The following RAC1 variants were observed in gnomAD, a reference collection of about 807,000 sequenced individuals.
RAC1 encodes ras-related C3 botulinum toxin substrate 1.
RAC1 carries 2 observed loss-of-function variants against 25.2 expected under a neutral mutation model. The observed-to-expected ratio is 0.08, with a 90% CI of 0.03 to 0.25. The LOEUF (loss-of-function observed/expected upper bound fraction) is 0.25. RAC1 is among the 10% of genes least tolerant of loss of function. The probability of loss-of-function intolerance (pLI) is 1.00; values close to 1 mark genes in which losing one functional copy is unlikely to be tolerated. For synonymous variants in RAC1, 88 were observed against 94.0 expected, an observed-to-expected ratio of 0.94 and a Z score of 0.37; for missense variants, 50 against 235.7, an observed-to-expected ratio of 0.21 and a Z score of 5.16.
chr7:6,385,575 C>A (rs994696730), intron 1 of RAC1, among the ~76,000 whole-genome samples: 1 of 152,114 alleles, frequency 6.6e-6, no homozygotes, highest in South Asian at 2.1e-4. Flanking sequence ...TTTAGAAAGC[C>A]TTTAGGAGTT....
intron 3 of RAC1, among the ~76,000 whole-genome samples, chr7:6,397,617 A>C (rs951715888): frequency 6.6e-6 from 1 of 152,224 alleles, no homozygotes; most frequent in African/African-American, 2.4e-5. Context: ...ATGTTGGAAG[A>C]GCGAGTTTGT....
chr7:6,403,759 C>T lies in RAC1; in HGVS notation c.*1313C>T, dbSNP rs1783486888. ...TTTGCCTATTGATGTTCCTTTGGGTCTGTGAGGTTCTGTAAACTGTGCTAG... is the reference window on the plus strand; with the variant it reads ...TTTGCCTATTGATGTTCCTTTGGGTTTGTGAGGTTCTGTAAACTGTGCTAG... On this transcript the variant is annotated 3_prime_UTR_variant, in exon 6 of 6. Transcript: ENST00000348035. 1 of 209,972 alleles carries T rather than the reference C, an allele frequency of 4.8e-6. No individual in the cohort carries two copies. Among genetic ancestry groups the T allele is most frequent in the Non-Finnish European group, 9.7e-6 (1 of 103,298 alleles). 13.0% of individuals were successfully genotyped at this position (209,972 alleles called of 1,614,324 possible).
At position 6,384,378 on chromosome 7, in the gene RAC1, C is replaced by T. The variant is rs151095610; in HGVS notation, c.36-2834C>T. On this transcript the variant is annotated intron_variant, in intron 1 of 5. Coordinates refer to ENST00000348035, the MANE Select transcript of RAC1 (RefSeq NM_006908.5). ...GCAGTTGGAGGCTTCTTCTAAAATC[C>T]AGTGCTTTCTGGGCAATTTAAAACC... Among the ~76,000 whole-genome samples, 329 of 152,310 alleles carry T rather than the reference C, an allele frequency of 2.2e-3. 1 individual carries two copies. The highest frequency in any genetic ancestry group is 7.4e-3 in the African/African-American group (306 of 41,576).
At chr7:6,399,540 G>A (rs1783340041) in intron 3 of RAC1, among the ~76,000 whole-genome samples, 1 of 152,218 alleles carries the variant, frequency 6.6e-6, no homozygotes, top group South Asian at 2.1e-4. Context: ...AGCTGCCCCG[G>A]GAGCGAGTTC....
At chr7:6,399,834 G>T in intron 3 of RAC1, 1 of 397,664 alleles carries the variant, frequency 2.5e-6, no homozygotes, top group Non-Finnish European at 4.5e-6. Context: ...ATAGTTAGGC[G>T]TAAAGGAAGC....
chr7:6,379,610 A>G (rs1388051606), intron 1 of RAC1, among the ~76,000 whole-genome samples: 2 of 152,162 alleles, frequency 1.3e-5, no homozygotes, highest in Non-Finnish European at 2.9e-5. Flanking sequence ...GGGTTTCACC[A>G]TGTTGACCAG....
intron 4 of RAC1, 33 bp from the exon 5 acceptor site, chr7:6,401,835 G>A (rs751650540): frequency 1.3e-5 from 20 of 1,593,598 alleles, no homozygotes; most frequent in East Asian, 4.5e-5. Flanking sequence ...GTAAAGGAGC[G>A]TGTCACAACC....
intron 3 of RAC1, among the ~76,000 whole-genome samples, chr7:6,392,775 G>C (rs771933039): frequency 3.3e-5 from 5 of 152,182 alleles, no homozygotes; most frequent in Non-Finnish European, 5.9e-5. Flanking sequence ...AGTATCTTTG[G>C]AAGCAAAAGT....
rs780646520 is a variant in RAC1 at position 6,374,783 on chromosome 7, C to T, written c.35+13C>T. 3 of 1,131,164 alleles carry T rather than the reference C, an allele frequency of 2.7e-6. No homozygotes were observed. Among genetic ancestry groups the T allele is most frequent in the African/African-American group, 1.7e-5 (1 of 59,844 alleles). The allele number at this position is 1,131,164 out of a possible 1,614,324, so 70.1% of individuals were successfully genotyped here. On this transcript the variant is annotated intron_variant, in intron 1 of 5. Coordinates refer to ENST00000348035, the MANE Select transcript of RAC1 (RefSeq NM_006908.5). ...TGGTGGGAGACGGGTGAGTGCGCGG[C>T]CGGGGCCGGGCTGGAGGCCGCGGGA...
chr7:6,399,832 G>A, intron 3 of RAC1: 1 of 393,716 alleles, frequency 2.5e-6, no homozygotes. Context: ...AGATAGTTAG[G>A]CGTAAAGGAA....
chr7:6,391,849 C>T, intron 2 of RAC1, 75 bp from the exon 3 acceptor site: 1 of 1,602,054 alleles, frequency 6.2e-7, no homozygotes, highest in Non-Finnish European at 8.5e-7. Flanking sequence ...TTTCTTGGCA[C>T]ACCTTCTCTA....
intron 2 of RAC1, among the ~76,000 whole-genome samples, chr7:6,390,170 C>T (rs1027987757): frequency 1.5e-5 from 2 of 137,264 alleles, no homozygotes; most frequent in Non-Finnish European, 3.0e-5. Context: ...CTGGTCCTTC[C>T]ACCTCAGCCT....
chr7:6,386,776 G>A (rs1397967532), intron 1 of RAC1, among the ~76,000 whole-genome samples: 1 of 139,664 alleles, frequency 7.2e-6, no homozygotes, highest in Admixed American at 7.6e-5. Context: ...GCGACAGCAC[G>A]AGACTCGGTC....
intron 1 of RAC1, among the ~76,000 whole-genome samples, chr7:6,378,766 C>G (rs1208439327): frequency 2.0e-5 from 3 of 151,930 alleles, no homozygotes; most frequent in Admixed American, 6.6e-5. Context: ...GACCTTTGCC[C>G]CAAGATTTTC....
chr7:6,383,784 CTTTTTTTTTTTTTTTTTTT>C (rs34847745), intron 1 of RAC1, among the ~76,000 whole-genome samples: 14 of 39,806 alleles, frequency 3.5e-4, no homozygotes, highest in South Asian at 1.7e-3. Flanking sequence ...CAACCTTTAT[CTTTTTTTTTTTTTTTTTTT>C]TTTTTTTTTT....
intron 3 of RAC1, among the ~76,000 whole-genome samples, chr7:6,398,960 T>C (rs1689708456): frequency 6.6e-6 from 1 of 152,200 alleles, no homozygotes; most frequent in Non-Finnish European, 1.5e-5. Flanking sequence ...GAGGGGACAG[T>C]GAGAGGGCCC....
Position 6,401,896 on chromosome 7 carries a change from C to G in RAC1, c.317C>G (p.Pro106Arg), listed in dbSNP as rs1320497399. The G allele has an allele frequency of 6.2e-7, 1 of 1,613,790 alleles. No homozygotes were observed. Among genetic ancestry groups the G allele is most frequent in the African/African-American group, 1.3e-5 (1 of 74,880 alleles). The stretch of plus-strand genomic sequence containing the variant: ...TATCCTGAGGTGCGGCACCACTGTC[C>G]CAACACTCCCATCATCCTAGTGGGA... The part of the protein sequence containing the change: ...KWYPEVRHHC[P>R]NTPIILVGTK... The change falls in exon 5 of 6, where the codon CCC (proline) becomes CGC (arginine). Residue 106 changes from proline (P) to arginine (R), a missense_variant. Physicochemically the swap from Pro to Arg is moderately radical, Grantham distance 103 (BLOSUM62 -2). Coordinates refer to ENST00000348035, the MANE Select transcript of RAC1 (RefSeq NM_006908.5).
At chr7:6,400,065 A>G in intron 3 of RAC1, 61 bp from the exon 4 acceptor site, 2 of 1,453,068 alleles carry the variant, frequency 1.4e-6, no homozygotes. Context: ...TGTAGAAAGC[A>G]AAGTGCATGC....
chr7:6,387,361 G>A, intron 2 of RAC1, 78 bp downstream of exon 2: 1 of 1,077,756 alleles, frequency 9.3e-7, no homozygotes, highest in Middle Eastern at 2.0e-4. Context: ...TTGCTGTAAA[G>A]CCATCTTTAA....
Sources: gnomAD v4.1 joint callset for allele counts (sites outside exome capture counted in the v4.1 genomes callset) on GRCh38, gnomAD v4.1.1 for gene constraint, MANE v1.5 for transcripts, NCBI Gene and HGNC (gene_info 2026-07-23, HGNC 2026-07-21) for gene names.